DNAH14: variants seen among roughly 807,000 people sequenced by gnomAD.
DNAH14 encodes the protein dynein axonemal heavy chain 14.
A neutral mutation model predicts 520.9 loss-of-function variants in DNAH14; 478 were observed. The ratio of observed to expected loss-of-function variants is 0.92; its 90% CI spans 0.85 to 0.99. DNAH14 has a LOEUF of 0.99. Among genes scored for constraint, DNAH14 ranks in the 50% least tolerant of loss-of-function variants. The probability of loss-of-function intolerance (pLI) is 0.00; values close to 1 mark genes in which losing one functional copy is unlikely to be tolerated. For synonymous variants in DNAH14, 1,581 were observed against 1,757.2 expected (o/e 0.90, Z 2.51); for missense variants, 4,831 against 5,234.5 (o/e 0.92, Z 2.38).
At chr1:225,114,737 T>C (rs1206099319) in intron 23 of DNAH14, among the ~76,000 whole-genome samples, 1 of 152,138 alleles carries the variant, frequency 6.6e-6, no homozygotes, top group East Asian at 1.9e-4. Flanking sequence ...TCAGCTGAGT[T>C]ATGTCCAGTG....
chr1:225,043,210 A>C (rs2501106), intron 13 of DNAH14, 96 bp downstream of exon 13: 2 of 1,175,588 alleles, frequency 1.7e-6, no homozygotes, highest in East Asian at 6.4e-5. Context: ...TGGGAGGATC[A>C]CTTGATGCCA....
intron 60 of DNAH14, among the ~76,000 whole-genome samples, chr1:225,317,804 T>C (rs2150174928): frequency 6.6e-6 from 1 of 152,272 alleles, no homozygotes; most frequent in Admixed American, 6.5e-5. Context: ...ATAAACCTCG[T>C]CTCTCCTATA....
At chr1:225,132,130 G>A (rs886115434) in intron 27 of DNAH14, among the ~76,000 whole-genome samples, 1 of 152,044 alleles carries the variant, frequency 6.6e-6, no homozygotes, top group Admixed American at 6.6e-5. Flanking sequence ...TCTGTCAACA[G>A]TGGTTTTCTG....
rs1360480648 is a variant in DNAH14, at chr1:225,079,484, TC to T, written c.2703del (p.Phe901LeufsTer19). The T allele has an allele frequency of 5.2e-6, 8 of 1,541,808 alleles. No homozygotes were observed. The highest frequency in any genetic ancestry group is 6.1e-6 in the Non-Finnish European group (7 of 1,144,976). On this transcript the variant is annotated frameshift_variant, in exon 18 of 86. Coordinates refer to ENST00000682510, the MANE Select transcript of DNAH14 (RefSeq NM_001367479.1). LOFTEE classifies it high-confidence loss of function. ...KINKDTAITK[F>X]RDNLEACISG... is the part of the protein sequence containing the mutation. The stretch of plus-strand genomic sequence containing the variant: ...AATAAAGACACTGCTATAACTAAAT[TC>T]AGAGATAACTTGGAAGCATGTATCA...
intron 77 of DNAH14, among the ~76,000 whole-genome samples, chr1:225,372,810 T>C (rs1374124634): frequency 7.1e-6 from 1 of 140,510 alleles, no homozygotes; most frequent in Admixed American, 7.0e-5. Context: ...AGAGAGTTAA[T>C]ATCTGTGACA....
At chr1:225,260,620 C>T (rs2092904053) in intron 46 of DNAH14, among the ~76,000 whole-genome samples, 1 of 151,752 alleles carries the variant, frequency 6.6e-6, no homozygotes, top group Non-Finnish European at 1.5e-5. Context: ...TTTTTTCCCC[C>T]CCTCAAGATT....
intron 2 of DNAH14, 27 bp downstream of exon 2, chr1:224,952,806 T>A (rs914841683): frequency 4.6e-6 from 7 of 1,518,254 alleles, no homozygotes; most frequent in Non-Finnish European, 6.2e-6. Context: ...ATATAATGAG[T>A]TTTTTTCTAA....
chr1:225,131,921 G>T (rs958162855), intron 27 of DNAH14, among the ~76,000 whole-genome samples: 1 of 152,072 alleles, frequency 6.6e-6, no homozygotes, highest in Admixed American at 6.6e-5. Context: ...TAAGGAATAG[G>T]CAAAAGAAAA....
intron 52 of DNAH14, among the ~76,000 whole-genome samples, chr1:225,274,150 C>T (rs2093391384): frequency 6.6e-6 from 1 of 150,826 alleles, no homozygotes; most frequent in Non-Finnish European, 1.5e-5. Context: ...TTCCCACCAA[C>T]AGTGTGTAAG....
chr1:225,384,079 T>C (rs2095811084), intron 81 of DNAH14, among the ~76,000 whole-genome samples: 2 of 152,230 alleles, frequency 1.3e-5, no homozygotes, highest in Admixed American at 1.3e-4. Flanking sequence ...AGCTCTAGTT[T>C]GATTGCACTG....
chr1:225,228,302 G>A (rs999598027), intron 41 of DNAH14, among the ~76,000 whole-genome samples: 1 of 152,170 alleles, frequency 6.6e-6, no homozygotes, highest in African/African-American at 2.4e-5. Context: ...TTGCATGCCT[G>A]CAAGCCCTTG....
At chr1:225,377,497 TG>T in intron 79 of DNAH14, 61 bp downstream of exon 79, 1 of 1,481,334 alleles carries the variant, frequency 6.8e-7, no homozygotes, top group Non-Finnish European at 9.1e-7. Flanking sequence ...TGGCAGCTCA[TG>T]CCTGTAATCC....
intron 23 of DNAH14, among the ~76,000 whole-genome samples, chr1:225,103,045 C>T (rs1415159161): frequency 6.6e-6 from 1 of 152,130 alleles, no homozygotes; most frequent in Non-Finnish European, 1.5e-5. Context: ...AGTCTTTAAT[C>T]CATCTTGAAT....
intron 66 of DNAH14, among the ~76,000 whole-genome samples, chr1:225,334,830 T>A (rs1439777619): frequency 1.3e-5 from 2 of 151,472 alleles, no homozygotes; most frequent in Admixed American, 1.3e-4. Context: ...CATCATGCCA[T>A]TGCACTCCAG....
chr1:225,055,684 C>G (rs2068974398), intron 17 of DNAH14, among the ~76,000 whole-genome samples: 1 of 132,870 alleles, frequency 7.5e-6, no homozygotes, highest in Non-Finnish European at 1.6e-5. Context: ...TATCCCTCCC[C>G]CCTCCCCCAC....
At chr1:225,319,033 C>A (rs2094515173) in intron 61 of DNAH14, among the ~76,000 whole-genome samples, 1 of 152,140 alleles carries the variant, frequency 6.6e-6, no homozygotes, top group Non-Finnish European at 1.5e-5. Context: ...TATTACCTGG[C>A]CTGCAGTTCC....
chr1:225,057,176 C>T (rs2069231695), intron 17 of DNAH14, among the ~76,000 whole-genome samples: 1 of 152,162 alleles, frequency 6.6e-6, no homozygotes, highest in Admixed American at 6.5e-5. Flanking sequence ...ATGGAATGTT[C>T]TTCCATTTGT....
chr1:225,185,176 C>A, intron 36 of DNAH14, 115 bp from the exon 37 acceptor site: 2 of 1,157,772 alleles, frequency 1.7e-6, no homozygotes, highest in Non-Finnish European at 2.3e-6. Flanking sequence ...AAATAAAGAA[C>A]ACAAACTCAT....
intron 3 of DNAH14, among the ~76,000 whole-genome samples, chr1:224,956,170 T>C (rs1338805675): frequency 6.6e-6 from 1 of 152,148 alleles, no homozygotes; most frequent in African/African-American, 2.4e-5. Context: ...TTTCAGTCTC[T>C]TTTATGGATT....
Sources: allele counts gnomAD v4.1 joint callset (sites outside exome capture counted in the v4.1 genomes callset), GRCh38; gene constraint gnomAD v4.1.1; transcripts MANE v1.5; gene names NCBI Gene and HGNC (gene_info 2026-07-23, HGNC 2026-07-21).